Variants in TNFAIP8 observed in about 807,000 individuals in gnomAD.
TNFAIP8 encodes tumor necrosis factor alpha-induced protein 8.
TNFAIP8 carries 7 observed loss-of-function variants against 13.3 expected under a neutral mutation model. That is an observed-to-expected ratio of 0.52 (90% CI 0.30 to 0.99). The LOEUF (loss-of-function observed/expected upper bound fraction) is 0.99, where lower values mean the gene tolerates loss of function less well. Among genes scored for constraint, TNFAIP8 ranks in the 50% least tolerant of loss-of-function variants. TNFAIP8 has a pLI of 0.07. For synonymous variants in TNFAIP8, 94 were observed against 87.6 expected, an observed-to-expected ratio of 1.07 and a Z score of -0.41; for missense variants, 258 against 236.9, an observed-to-expected ratio of 1.09 and a Z score of -0.58.
intron 1 of TNFAIP8, among the ~76,000 whole-genome samples, chr5:119,368,682 A>C (rs1047942715): frequency 6.6e-6 from 1 of 152,202 alleles, no homozygotes; most frequent in Admixed American, 6.5e-5. Context: ...AATGCTTGCA[A>C]GTGTTTTTAG....
At chr5:119,348,880 CAAAAAAAAA>C (rs60633145) in intron 1 of TNFAIP8, among the ~76,000 whole-genome samples, 47 of 90,984 alleles carry the variant, frequency 5.2e-4, no homozygotes, top group African/African-American at 1.3e-3. Context: ...AACTCCATCT[CAAAAAAAAA>C]AAAAAAAAAA....
At chr5:119,363,205 A>G (rs1448782231) in intron 1 of TNFAIP8, among the ~76,000 whole-genome samples, 1 of 152,244 alleles carries the variant, frequency 6.6e-6, no homozygotes, top group Admixed American at 6.5e-5. Flanking sequence ...GCCTGTCTGT[A>G]GAGAAGAGCT....
chr5:119,334,971 A>C (rs2112714197), intron 1 of TNFAIP8, among the ~76,000 whole-genome samples: 1 of 152,284 alleles, frequency 6.6e-6, no homozygotes, highest in East Asian at 1.9e-4. Flanking sequence ...ATAAGCATTC[A>C]AGGGTAAGCA....
chr5:119,306,642 A>G (rs1004002578), intron 1 of TNFAIP8: 3 of 150,692 alleles, frequency 2.0e-5, no homozygotes, highest in South Asian at 2.1e-4. Flanking sequence ...CTTGCTTTTC[A>G]TTTTTTTTAT....
rs1753022156 is a variant in TNFAIP8, at chr5:119,394,545, A to G, written c.*1164A>G. 6.6e-6 allele frequency: 1 copy of G among 151,198 alleles called. No homozygotes were observed. Among genetic ancestry groups the G allele is most frequent in the South Asian group, 2.1e-4 (1 of 4,820 alleles). 9.4% of individuals were successfully genotyped at this position (151,198 alleles called of 1,614,324 possible). A position where few individuals can be genotyped will look rare whatever the true frequency, so the allele number is the denominator to read the frequency against. On this transcript the variant is annotated 3_prime_UTR_variant, in exon 2 of 2. Transcript: ENST00000504771. ...AGAAATGAAAATCTGCTGGCCAGCT[A>G]TGTCCTCTAGGAAATGACAGACCCA...
chr5:119,376,115 T>A (rs1752270096), intron 1 of TNFAIP8, among the ~76,000 whole-genome samples: 1 of 151,232 alleles, frequency 6.6e-6, no homozygotes. Flanking sequence ...TTAAATTTTC[T>A]TTTTTGTTTT....
chr5:119,282,094 TC>T (rs1748648951), intron 1 of TNFAIP8, among the ~76,000 whole-genome samples: 3 of 152,372 alleles, frequency 2.0e-5, no homozygotes, highest in South Asian at 4.1e-4. Flanking sequence ...ATCATTTCAT[TC>T]AGTCAACAGA....
intron 1 of TNFAIP8, among the ~76,000 whole-genome samples, chr5:119,364,316 A>G (rs115877358): frequency 0.012 from 1,875 of 152,246 alleles, 18 homozygotes; most frequent in Middle Eastern, 0.027. Context: ...AATTTTAGAA[A>G]CTCTGTGCCA....
Position 119,393,515 on chromosome 5 carries a change from CAT to C in TNFAIP8, c.*136_*137del. ...GACTTTACCCAATTCAGTTGTCAGA[CAT>C]AATGATTTATTTGAAGGCTTGTTTT... On this transcript the variant is annotated 3_prime_UTR_variant, in exon 2 of 2. Coordinates refer to ENST00000504771, the MANE Select transcript of TNFAIP8 (RefSeq NM_014350.4). 3.2e-6 allele frequency: 3 copies of C among 937,242 alleles called. No homozygotes were observed. Among genetic ancestry groups the C allele is most frequent in the Non-Finnish European group, 4.7e-6 (3 of 641,980 alleles). The allele number at this position is 937,242 out of a possible 1,614,324, so 58.1% of individuals were successfully genotyped here.
At chr5:119,381,917 G>A (rs543505877) in intron 1 of TNFAIP8, among the ~76,000 whole-genome samples, 95 of 151,834 alleles carry the variant, frequency 6.3e-4, no homozygotes, top group Non-Finnish European at 1.0e-3. Flanking sequence ...GCAAGACTCC[G>A]TCTCAAAAAA....
intron 1 of TNFAIP8, among the ~76,000 whole-genome samples, chr5:119,316,660 A>T (rs1749904998): frequency 1.3e-5 from 2 of 152,304 alleles, no homozygotes; most frequent in South Asian, 4.1e-4. Flanking sequence ...CAGGTGCCTC[A>T]GGCCTACTCC....
intron 1 of TNFAIP8, among the ~76,000 whole-genome samples, chr5:119,279,971 G>A (rs924302877): frequency 3.3e-5 from 5 of 152,158 alleles, no homozygotes; most frequent in African/African-American, 1.2e-4. Flanking sequence ...ACCTAGCACT[G>A]AGAGACACGT....
At chr5:119,357,395 A>G (rs1299901665) in intron 1 of TNFAIP8, among the ~76,000 whole-genome samples, 1 of 152,136 alleles carries the variant, frequency 6.6e-6, no homozygotes, top group Non-Finnish European at 1.5e-5. Flanking sequence ...TTATACCAGC[A>G]GTTTATTCAA....
chr5:119,388,199 A>G (rs1237146091), intron 1 of TNFAIP8, among the ~76,000 whole-genome samples: 2 of 152,216 alleles, frequency 1.3e-5, no homozygotes, highest in South Asian at 2.1e-4. Flanking sequence ...CCCATTATGC[A>G]CAACAAATCT....
chr5:119,268,961 G>T, intron 1 of TNFAIP8: 1 of 672,126 alleles, frequency 1.5e-6, no homozygotes, highest in South Asian at 1.5e-5. Flanking sequence ...CGCCTCTCCC[G>T]CCGCTGGGCT....
rs10714712 is a variant in TNFAIP8 at position 119,364,841 on chromosome 5, G to GTTT, written c.31+8746_31+8748dup. 6.3e-4 allele frequency among the ~76,000 whole-genome samples: 56 copies of GTTT among 88,692 alleles called. 1 individual carries two copies. The highest frequency in any genetic ancestry group is 1.1e-3 in the African/African-American group (24 of 21,504). 58.2% of individuals were successfully genotyped at this position (88,692 alleles called of 152,430 possible). Reference sequence around the variant, plus strand: ...GGTTTTTTCCCCTTTTTTCTTTTCAGTTTTTTTTTTTTTTTTTTTTTTTTT... The same window carrying GTTT: ...GGTTTTTTCCCCTTTTTTCTTTTCAGTTTTTTTTTTTTTTTTTTTTTTTTTTTT... On this transcript the variant is annotated intron_variant, in intron 1 of 1. Transcript: ENST00000504771.
chr5:119,341,505 TC>T (rs1180813710), intron 1 of TNFAIP8, among the ~76,000 whole-genome samples: 2 of 152,238 alleles, frequency 1.3e-5, no homozygotes, highest in African/African-American at 4.8e-5. Flanking sequence ...CCATCTGACT[TC>T]AACTATCACT....
intron 1 of TNFAIP8, chr5:119,333,378 T>C: frequency 1.5e-6 from 2 of 1,321,064 alleles, no homozygotes; most frequent in South Asian, 2.2e-5. Context: ...GCAAGACAAC[T>C]TTCAAAGTGA....
intron 1 of TNFAIP8, among the ~76,000 whole-genome samples, chr5:119,324,698 T>C (rs141076115): frequency 6.6e-6 from 1 of 152,240 alleles, no homozygotes; most frequent in Non-Finnish European, 1.5e-5. Flanking sequence ...TATTACATGT[T>C]TGTGTAGTGT....
Sources: gnomAD v4.1 joint callset for allele counts (sites outside exome capture counted in the v4.1 genomes callset) on GRCh38, gnomAD v4.1.1 for gene constraint, MANE v1.5 for transcripts, NCBI Gene and HGNC (gene_info 2026-07-23, HGNC 2026-07-21) for gene names.